The following COLEC10 variants were observed in gnomAD, a reference collection of about 807,000 sequenced individuals.
COLEC10 encodes collectin-10.
A neutral mutation model predicts 28.4 loss-of-function variants in COLEC10; 22 were observed. The ratio of observed to expected loss-of-function variants is 0.78; its 90% CI spans 0.55 to 1.11. The LOEUF (loss-of-function observed/expected upper bound fraction) is 1.11, where lower values mean the gene tolerates loss of function less well. Among genes scored for constraint, COLEC10 ranks in the 50% least tolerant of loss-of-function variants. The pLI, the probability that COLEC10 is intolerant of heterozygous loss-of-function variation, is 0.00. For missense variants in COLEC10, 361 were observed against 344.1 expected (o/e 1.05, Z -0.39); for synonymous variants, 125 against 116.1 (o/e 1.08, Z -0.49).
chr8:119,073,880 GCTTTTATATGTATATATCATAGA>G (rs1815171330), intron 1 of COLEC10, among the ~76,000 whole-genome samples: 1 of 151,230 alleles, frequency 6.6e-6, no homozygotes, highest in African/African-American at 2.4e-5. Context: ...AAGATCATGG[GCTTTTATATGTATATATCATAGA>G]CTTTTATATA....
intron 2 of COLEC10, among the ~76,000 whole-genome samples, chr8:119,037,847 T>C (rs1001407452): frequency 6.6e-6 from 1 of 152,228 alleles, no homozygotes. Flanking sequence ...TGACATTCAT[T>C]CTATAAAAGC....
intron 1 of COLEC10, among the ~76,000 whole-genome samples, chr8:119,000,059 A>G (rs796507361): frequency 1.8e-4 from 27 of 152,318 alleles, no homozygotes; most frequent in African/African-American, 6.5e-4. Flanking sequence ...CAAAAAAGAA[A>G]GAGCATAGTG....
intron 1 of COLEC10, among the ~76,000 whole-genome samples, chr8:119,075,270 A>G (rs1190689808): frequency 6.6e-6 from 1 of 151,600 alleles, no homozygotes; most frequent in Non-Finnish European, 1.5e-5. Flanking sequence ...GAGTGGTTAG[A>G]CTCTTCACAT....
chr8:119,022,033 C>T (rs1370104533), intron 2 of COLEC10, among the ~76,000 whole-genome samples: 1 of 152,082 alleles, frequency 6.6e-6, no homozygotes, highest in Non-Finnish European at 1.5e-5. Flanking sequence ...TAGTCAGTAG[C>T]CTTTCCTCTA....
chr8:119,045,729 C>T (rs1208601859), intron 2 of COLEC10, among the ~76,000 whole-genome samples: 2 of 152,078 alleles, frequency 1.3e-5, no homozygotes, highest in Non-Finnish European at 2.9e-5. Flanking sequence ...TATTTTATAC[C>T]TTAAAATTCA....
At chr8:119,095,163 T>C (rs1166495444) in intron 3 of COLEC10, among the ~76,000 whole-genome samples, 1 of 152,214 alleles carries the variant, frequency 6.6e-6, no homozygotes, top group African/African-American at 2.4e-5. Flanking sequence ...AAATCAATTT[T>C]GTTTCCACAT....
At chr8:119,067,622 TAAGAGGATGTTGGGA>T in intron 1 of COLEC10, 193 bp downstream of exon 1, 1 of 523,394 alleles carries the variant, frequency 1.9e-6, no homozygotes, top group South Asian at 2.9e-5. Context: ...TGATGTTAGG[TAAGAGGATGTTGGGA>T]AGGGGAAACC....
the COLEC10 span, among the ~76,000 whole-genome samples, chr8:118,972,169 G>A: frequency 6.6e-6 from 1 of 151,894 alleles, no homozygotes; most frequent in South Asian, 2.1e-4. Context: ...AGTAAAAAAA[G>A]TTATGTTGGG....
At chr8:119,030,251 G>A (rs1382270486) in intron 2 of COLEC10, among the ~76,000 whole-genome samples, 1 of 152,086 alleles carries the variant, frequency 6.6e-6, no homozygotes, top group East Asian at 1.9e-4. Flanking sequence ...ACTCCAATAA[G>A]AATATAATTT....
intron 4 of COLEC10, among the ~76,000 whole-genome samples, chr8:119,103,219 C>G (rs1158318784): frequency 2.0e-5 from 3 of 152,144 alleles, no homozygotes; most frequent in Non-Finnish European, 4.4e-5. Context: ...ACATTAAAAT[C>G]ATAGTTAATC....
At chr8:119,036,320 G>T (rs1445657784) in intron 2 of COLEC10, among the ~76,000 whole-genome samples, 1 of 152,086 alleles carries the variant, frequency 6.6e-6, no homozygotes, top group Non-Finnish European at 1.5e-5. Flanking sequence ...GTATATCTTG[G>T]AGACTTTTCA....
upstream of COLEC10, among the ~76,000 whole-genome samples, chr8:118,992,325 T>G (rs1157967334): frequency 6.6e-6 from 1 of 152,118 alleles, no homozygotes; most frequent in South Asian, 2.1e-4. Context: ...ATGGAAAAGC[T>G]TTAGGGGTCA....
the COLEC10 span, among the ~76,000 whole-genome samples, chr8:118,985,055 A>T: frequency 6.6e-6 from 1 of 151,982 alleles, no homozygotes; most frequent in Non-Finnish European, 1.5e-5. Context: ...TGGGAGCTAC[A>T]AGATGAGATT....
intron 2 of COLEC10, among the ~76,000 whole-genome samples, chr8:119,033,104 T>A (rs993016890): frequency 6.6e-6 from 1 of 152,052 alleles, no homozygotes; most frequent in Non-Finnish European, 1.5e-5. Flanking sequence ...CCACTTAGGG[T>A]CTTTTCAAGC....
chr8:118,973,475 C>T, the COLEC10 span, among the ~76,000 whole-genome samples: 1,696 of 151,988 alleles, frequency 0.011, 35 homozygotes, highest in African/African-American at 0.039. Flanking sequence ...GGCTGTTGGT[C>T]GGAGGCTACC....
chr8:119,081,550 C>T (rs1445274732), intron 1 of COLEC10, among the ~76,000 whole-genome samples: 1 of 151,938 alleles, frequency 6.6e-6, no homozygotes, highest in Admixed American at 6.6e-5. Flanking sequence ...CTTCTCTAAA[C>T]AGATTAATTG....
chr8:119,038,977 G>T (rs1294473363), intron 2 of COLEC10, among the ~76,000 whole-genome samples: 2 of 151,946 alleles, frequency 1.3e-5, no homozygotes, highest in Non-Finnish European at 2.9e-5. Flanking sequence ...GACTAAATAT[G>T]TATACTAGTA....
intron 1 of COLEC10, among the ~76,000 whole-genome samples, chr8:119,086,057 A>G (rs891190015): frequency 6.6e-6 from 1 of 152,168 alleles, no homozygotes; most frequent in Non-Finnish European, 1.5e-5. Context: ...ACTTTTTAAT[A>G]AGTATTTCCT....
chr8:118,993,799 T>A (rs991004139), upstream of COLEC10, among the ~76,000 whole-genome samples: 2 of 152,152 alleles, frequency 1.3e-5, no homozygotes, highest in African/African-American at 4.8e-5. Context: ...AGTCACATTC[T>A]GAGATACTGG....
Sources: allele counts gnomAD v4.1 joint callset (sites outside exome capture counted in the v4.1 genomes callset), GRCh38; gene constraint gnomAD v4.1.1; transcripts MANE v1.5; gene names NCBI Gene and HGNC (gene_info 2026-07-23, HGNC 2026-07-21).